Variants in CFAP92 observed in about 807,000 individuals in gnomAD.
The protein encoded by CFAP92 is uncharacterized protein CFAP92.
CFAP92 carries 86 observed loss-of-function variants against 106.3 expected under a neutral mutation model. The ratio of observed to expected loss-of-function variants is 0.81; its 90% CI spans 0.68 to 0.97. The LOEUF (loss-of-function observed/expected upper bound fraction) is 0.97. Among genes scored for constraint, CFAP92 ranks in the 50% least tolerant of loss-of-function variants. The pLI, the probability that CFAP92 is intolerant of heterozygous loss-of-function variation, is 0.00. For synonymous variants in CFAP92, 477 were observed against 506.4 expected, an observed-to-expected ratio of 0.94 and a Z score of 0.78; for missense variants, 1,204 against 1,283.8, an observed-to-expected ratio of 0.94 and a Z score of 0.95.
chr3:128,975,561 T>G (rs1943099052), intron 7 of CFAP92, among the ~76,000 whole-genome samples: 1 of 151,570 alleles, frequency 6.6e-6, no homozygotes, highest in African/African-American at 2.4e-5. Context: ...TAGATGGGGA[T>G]GGACAGATAG....
chr3:128,976,357 C>T (rs932274128), intron 6 of CFAP92, among the ~76,000 whole-genome samples: 16 of 152,132 alleles, frequency 1.1e-4, no homozygotes, highest in African/African-American at 3.6e-4. Context: ...AGGATATATA[C>T]CATGATCATG....
At chr3:129,014,838 G>A in the CFAP92 span, among the ~76,000 whole-genome samples, 2,537 of 152,272 alleles carry the variant, frequency 0.017, 66 homozygotes, top group African/African-American at 0.058. This position sits in a 1 kb window ranked among gnomAD's most constrained non-coding sequence, Gnocchi z 4.3. Context: ...CAGCCTGGAT[G>A]CCGAGGGGCC....
At chr3:128,968,887 C>A in intron 8 of CFAP92, 1 of 158,774 alleles carries the variant, frequency 6.3e-6, no homozygotes, top group South Asian at 2.0e-4. Context: ...GCAGGTGGAT[C>A]ACTGTCAGGC....
chr3:128,978,272 C>A (rs1173033090), intron 4 of CFAP92, 87 bp from the exon 5 acceptor site: 15 of 1,454,804 alleles, frequency 1.0e-5, no homozygotes, highest in Non-Finnish European at 1.9e-6. Flanking sequence ...CTTGGAGACA[C>A]TGGGCGTTCG....
At chr3:128,927,104 AAG>A (rs893768334) in intron 12 of CFAP92, among the ~76,000 whole-genome samples, 17 of 152,150 alleles carry the variant, frequency 1.1e-4, no homozygotes, top group South Asian at 4.1e-4. Flanking sequence ...AAAGAAAAAA[AAG>A]AGAGAGATAT....
chr3:128,910,676 T>G, intron 15 of CFAP92: 1 of 1,588,724 alleles, frequency 6.3e-7, no homozygotes. Context: ...TAGGCTGGGT[T>G]TTTGAAGCTC....
intron 9 of CFAP92, among the ~76,000 whole-genome samples, chr3:128,961,945 T>C (rs1266404186): frequency 1.5e-4 from 23 of 152,218 alleles, no homozygotes; most frequent in East Asian, 7.7e-4. Context: ...AGTGGCCAGG[T>C]GTTCCTCCAG....
At chr3:128,974,015 TAA>T (rs1942988865) in intron 7 of CFAP92, among the ~76,000 whole-genome samples, 1 of 152,274 alleles carries the variant, frequency 6.6e-6, no homozygotes, top group Admixed American at 6.5e-5. Context: ...AGCACATTTT[TAA>T]AAAGAGTGAC....
chr3:128,927,037 T>C (rs1217384550), intron 12 of CFAP92, among the ~76,000 whole-genome samples: 1 of 151,926 alleles, frequency 6.6e-6, no homozygotes, highest in East Asian at 1.9e-4. Flanking sequence ...GAGGTTGCAG[T>C]GAGCCGAGAT....
At position 128,956,789 on chromosome 3, in the gene CFAP92, G is replaced by A. The variant is rs564777454; in HGVS notation, c.1353+8722C>T. ...GAGGTCAGGAGTTTGACACTAGCCT[G>A]GCTAACATGGTGAAATTCTGTCTCT... On this transcript the variant is annotated intron_variant, in intron 9 of 15. Coordinates refer to ENST00000645291, the MANE Select transcript of CFAP92 (RefSeq NM_001394090.1). Among the ~76,000 whole-genome samples, 4 of 152,054 alleles carry A rather than the reference G, an allele frequency of 2.6e-5. No individual in the cohort carries two copies. The South Asian group carries it at 6.2e-4, about 24-fold the overall frequency.
At chr3:128,913,610 C>T (rs1936576923) in intron 15 of CFAP92, among the ~76,000 whole-genome samples, 1 of 152,062 alleles carries the variant, frequency 6.6e-6, no homozygotes. Flanking sequence ...CTTTTTCCTC[C>T]AAGTATATTC....
intron 9 of CFAP92, among the ~76,000 whole-genome samples, chr3:128,960,025 T>A (rs1221302574): frequency 2.6e-5 from 4 of 152,198 alleles, no homozygotes; most frequent in Non-Finnish European, 5.9e-5. Flanking sequence ...TTCTTTGTAA[T>A]TCTCCCCACT....
the CFAP92 span, among the ~76,000 whole-genome samples, chr3:129,011,997 T>G: frequency 1.3e-5 from 2 of 152,198 alleles, no homozygotes; most frequent in Non-Finnish European, 2.9e-5. Flanking sequence ...AGTCTGTAGC[T>G]CTTTCTGCTA....
intron 4 of CFAP92, among the ~76,000 whole-genome samples, chr3:128,981,090 G>A (rs67788426): frequency 0.31 from 46,751 of 149,724 alleles, 7,460 homozygotes; most frequent in East Asian, 0.56. Context: ...AGGCTGGAGT[G>A]CAGTGGTGCG....
At chr3:128,974,082 A>C (rs1487927273) in intron 7 of CFAP92, among the ~76,000 whole-genome samples, 3 of 152,214 alleles carry the variant, frequency 2.0e-5, no homozygotes, top group Non-Finnish European at 4.4e-5. Flanking sequence ...CACATGTGAA[A>C]GTGTGACTTA....
At chr3:128,947,795 C>CCACTGCA (rs1167320015) in intron 9 of CFAP92, among the ~76,000 whole-genome samples, 3 of 151,948 alleles carry the variant, frequency 2.0e-5, no homozygotes, top group African/African-American at 2.4e-5. Flanking sequence ...TACAACTGCA[C>CCACTGCA]CACTGCACAC....
At chr3:128,943,002 C>CT (rs1253070346) in intron 10 of CFAP92, among the ~76,000 whole-genome samples, 1 of 150,388 alleles carries the variant, frequency 6.6e-6, no homozygotes, top group African/African-American at 2.5e-5. Flanking sequence ...TCACTGCAAC[C>CT]TCCACCTCCT....
chr3:128,991,119 A>G (rs1944185359), intron 2 of CFAP92, among the ~76,000 whole-genome samples: 1 of 152,216 alleles, frequency 6.6e-6, no homozygotes, highest in Admixed American at 6.5e-5. Flanking sequence ...GAGGACAACA[A>G]CAACAAAAAC....
intron 1 of CFAP92, among the ~76,000 whole-genome samples, chr3:128,999,946 C>G (rs2107838758): frequency 6.6e-6 from 1 of 152,372 alleles, no homozygotes; most frequent in Non-Finnish European, 1.5e-5. Flanking sequence ...CCTCCATCTT[C>G]TTCTGTGCAC....
Sources: allele counts gnomAD v4.1 joint callset (sites outside exome capture counted in the v4.1 genomes callset), GRCh38; gene constraint gnomAD v4.1.1; non-coding constraint Gnocchi (gnomAD v3.1); transcripts MANE v1.5; gene names NCBI Gene and HGNC (gene_info 2026-07-23, HGNC 2026-07-21).